PIK3C3: variants seen among roughly 807,000 people sequenced by gnomAD.
PIK3C3 encodes the protein PI3-kinase type 3.
Under a neutral mutation model 126.1 loss-of-function variants are expected in PIK3C3, and 95 were observed. The ratio of observed to expected loss-of-function variants is 0.75; its 90% CI spans 0.64 to 0.89. The LOEUF (loss-of-function observed/expected upper bound fraction) is 0.89. Among genes scored for constraint, PIK3C3 ranks in the 40% least tolerant of loss-of-function variants. The pLI, the probability that PIK3C3 is intolerant of heterozygous loss-of-function variation, is 0.00. For missense variants in PIK3C3, 829 were observed against 1,063.2 expected, an observed-to-expected ratio of 0.78 and a Z score of 3.06; for synonymous variants, 374 against 360.0, an observed-to-expected ratio of 1.04 and a Z score of -0.44.
At chr18:41,996,992 A>T (rs1982058416) in intron 9 of PIK3C3, among the ~76,000 whole-genome samples, 1 of 152,096 alleles carries the variant, frequency 6.6e-6, no homozygotes, top group African/African-American at 2.4e-5. Context: ...AGTACATTTT[A>T]CGTTTGTTTG....
rs757101731 is a variant in PIK3C3, at chr18:42,027,430, A to G, written c.1485-13A>G. On this transcript the variant is annotated splice_polypyrimidine_tract_variant and intron_variant, in intron 13 of 24. Coordinates refer to ENST00000262039, the MANE Select transcript of PIK3C3 (RefSeq NM_002647.4). Reference sequence around the variant, plus strand: ...CATTTCACATCACATGAATGGCTCAAACTATTTTTAAGGTATGTGATAGTG... The same window carrying G: ...CATTTCACATCACATGAATGGCTCAGACTATTTTTAAGGTATGTGATAGTG... The G allele has an allele frequency of 4.0e-6, 6 of 1,505,438 alleles. No homozygotes were observed. Among genetic ancestry groups the G allele is most frequent in the South Asian group, 1.2e-5 (1 of 86,140 alleles). 93.3% of individuals were successfully genotyped at this position (1,505,438 alleles called of 1,614,324 possible).
intron 4 of PIK3C3, among the ~76,000 whole-genome samples, chr18:41,978,215 A>G (rs1369606759): frequency 6.6e-6 from 1 of 152,166 alleles, no homozygotes; most frequent in Non-Finnish European, 1.5e-5. Context: ...TCAGCCTCCC[A>G]AACTGCTGGG....
chr18:42,010,939 A>T (rs959562514), intron 10 of PIK3C3, among the ~76,000 whole-genome samples: 2 of 152,192 alleles, frequency 1.3e-5, no homozygotes, highest in Non-Finnish European at 2.9e-5. Context: ...TGTTAGCAGG[A>T]ATGTAAATGG....
At chr18:42,043,706 T>TA in intron 19 of PIK3C3, 27 bp from the exon 20 acceptor site, 1 of 1,482,778 alleles carries the variant, frequency 6.7e-7, no homozygotes, top group Non-Finnish European at 9.4e-7. Flanking sequence ...TACTTAATTC[T>TA]AAAACATGTA....
chr18:42,052,633 G>C (rs1180058081), intron 21 of PIK3C3: 1 of 152,068 alleles, frequency 6.6e-6, no homozygotes, highest in African/African-American at 2.4e-5. Flanking sequence ...AAAAGTTTGT[G>C]TCTCTAGTCA....
chr18:41,991,739 C>T (rs1180871292), intron 6 of PIK3C3, among the ~76,000 whole-genome samples: 4 of 151,762 alleles, frequency 2.6e-5, no homozygotes, highest in Non-Finnish European at 4.4e-5. Flanking sequence ...AACTCATATC[C>T]CTTTCACGTT....
chr18:41,957,791 G>C, intron 2 of PIK3C3, 33 bp downstream of exon 2: 1 of 1,523,234 alleles, frequency 6.6e-7, no homozygotes, highest in Non-Finnish European at 9.0e-7. Flanking sequence ...GTATGTTACA[G>C]ACTGTTCTTA....
At chr18:42,043,857 A>G (rs1310854561) in intron 20 of PIK3C3, 40 bp downstream of exon 20, 3 of 1,350,300 alleles carry the variant, frequency 2.2e-6, no homozygotes, top group Non-Finnish European at 2.1e-6. Flanking sequence ...GATCAGATAA[A>G]GAAGAGCAGG....
chr18:42,075,381 C>A (rs1455362171), intron 24 of PIK3C3, among the ~76,000 whole-genome samples: 2 of 151,848 alleles, frequency 1.3e-5, no homozygotes, highest in African/African-American at 4.8e-5. Context: ...AATGTAACAC[C>A]AATATATCAC....
intron 21 of PIK3C3, among the ~76,000 whole-genome samples, chr18:42,054,164 A>G (rs1460666614): frequency 6.4e-5 from 3 of 47,082 alleles, no homozygotes; most frequent in Non-Finnish European, 1.2e-4. Flanking sequence ...ATATATATAT[A>G]TATATATATA....
At chr18:41,965,358 A>G (rs549372772) in intron 3 of PIK3C3, among the ~76,000 whole-genome samples, 2 of 152,170 alleles carry the variant, frequency 1.3e-5, no homozygotes, top group Admixed American at 6.5e-5. Context: ...TGTGGGAGGG[A>G]CAATTGAAAT....
intron 21 of PIK3C3, among the ~76,000 whole-genome samples, chr18:42,054,941 A>T (rs924474210): frequency 4.7e-5 from 7 of 150,306 alleles, no homozygotes; most frequent in Non-Finnish European, 8.9e-5. Flanking sequence ...TTTTTTTTTT[A>T]AACTTATGTA....
At chr18:42,012,424 T>C (rs1056060706) in intron 10 of PIK3C3, among the ~76,000 whole-genome samples, 1 of 152,140 alleles carries the variant, frequency 6.6e-6, no homozygotes, top group Admixed American at 6.5e-5. Context: ...AGACTGAAGT[T>C]GAGTTGGTAG....
chr18:42,057,829 A>T, intron 21 of PIK3C3, 54 bp from the exon 22 acceptor site: 1 of 1,495,690 alleles, frequency 6.7e-7, no homozygotes, highest in Non-Finnish European at 9.3e-7. Flanking sequence ...CATATCACCT[A>T]CCCAGTTCTT....
At chr18:42,011,038 C>G (rs1181282942) in intron 10 of PIK3C3, among the ~76,000 whole-genome samples, 1 of 152,134 alleles carries the variant, frequency 6.6e-6, no homozygotes, top group Admixed American at 6.5e-5. Flanking sequence ...CTTTTCTGAA[C>G]AGTGGGTCTC....
chr18:41,983,445 A>G (rs984008406), intron 4 of PIK3C3, among the ~76,000 whole-genome samples: 5 of 151,988 alleles, frequency 3.3e-5, no homozygotes, highest in African/African-American at 1.2e-4. Context: ...AGAATATCAG[A>G]GTATACTTAC....
intron 13 of PIK3C3, chr18:42,025,951 G>C (rs1048936504): frequency 1.3e-5 from 2 of 152,156 alleles, no homozygotes; most frequent in Non-Finnish European, 2.9e-5. Context: ...TAAGCCCTCA[G>C]CTCTCATGAA....
intron 21 of PIK3C3, among the ~76,000 whole-genome samples, chr18:42,056,494 AC>A (rs1329260299): frequency 1.3e-5 from 2 of 152,126 alleles, no homozygotes; most frequent in Non-Finnish European, 2.9e-5. Context: ...TCAGAGATTG[AC>A]CGGATTGGTC....
intron 20 of PIK3C3, 55 bp downstream of exon 20, chr18:42,043,872 C>A: frequency 2.8e-6 from 3 of 1,053,048 alleles, no homozygotes; most frequent in South Asian, 2.6e-5. Context: ...AGCAGGCCAT[C>A]CTGATATTGC....
Sources: gnomAD v4.1 joint callset for allele counts (sites outside exome capture counted in the v4.1 genomes callset) on GRCh38, gnomAD v4.1.1 for gene constraint, MANE v1.5 for transcripts, NCBI Gene and HGNC (gene_info 2026-07-23, HGNC 2026-07-21) for gene names.